The following ANKS1B variants were observed in gnomAD, a reference collection of about 807,000 sequenced individuals.
ANKS1B encodes ankyrin repeat and sterile alpha motif domain containing 1B.
ANKS1B carries 36 observed loss-of-function variants against 148.3 expected under a neutral mutation model. The ratio of observed to expected loss-of-function variants is 0.24; its 90% CI spans 0.19 to 0.32. ANKS1B has a LOEUF of 0.32. ANKS1B is among the 10% of genes least tolerant of loss of function. ANKS1B has a pLI of 1.00. For synonymous variants in ANKS1B, 542 were observed against 560.8 expected (o/e 0.97, Z 0.47); for missense variants, 1,157 against 1,542.6 (o/e 0.75, Z 4.19).
intron 17 of ANKS1B, among the ~76,000 whole-genome samples, chr12:99,046,795 G>T (rs527602208): frequency 1.5e-5 from 2 of 136,916 alleles, no homozygotes; most frequent in Non-Finnish European, 3.1e-5. Context: ...GCAACAGAGC[G>T]AGACTCTGTC....
At chr12:99,638,696 T>A (rs2098269007) in intron 9 of ANKS1B, among the ~76,000 whole-genome samples, 1 of 152,126 alleles carries the variant, frequency 6.6e-6, no homozygotes, top group Non-Finnish European at 1.5e-5. Flanking sequence ...AGGAACCAAA[T>A]GTTAATCACC....
chr12:99,576,626 G>A (rs968270497), intron 9 of ANKS1B, among the ~76,000 whole-genome samples: 1 of 152,106 alleles, frequency 6.6e-6, no homozygotes, highest in African/African-American at 2.4e-5. Flanking sequence ...AGCTGCTTCT[G>A]AATGACTTTT....
chr12:99,214,923 T>C (rs1016895695), intron 14 of ANKS1B, among the ~76,000 whole-genome samples: 3 of 152,206 alleles, frequency 2.0e-5, no homozygotes, highest in Admixed American at 2.0e-4. Context: ...CTTGCTATGC[T>C]TTAGCAAAGA....
chr12:99,775,620 G>C lies in ANKS1B; in HGVS notation c.889C>G (p.Pro297Ala). The change falls in exon 7 of 27, where the codon CCT (proline) becomes GCT (alanine). Residue 297 changes from proline to alanine, a missense_variant. Pro to Ala is a conservative substitution (Grantham distance 27). Coordinates refer to ENST00000683438, the MANE Select transcript of ANKS1B (RefSeq NM_001352186.2). ...TCTTGTGTTGCATCTTCCTGTACAG[G>C]CTCTTCGAGGACTGTAGATCTTCCC... ...GVGRSTVLEEPVQEDATQETH... is the reference protein window; with the variant it reads ...GVGRSTVLEEAVQEDATQETH... 6.2e-7 allele frequency: 1 copy of C among 1,612,068 alleles called. No individual in the cohort carries two copies. The highest frequency in any genetic ancestry group is 8.5e-7 in the Non-Finnish European group (1 of 1,178,606).
At chr12:99,463,513 G>T (rs571783152) in intron 10 of ANKS1B, among the ~76,000 whole-genome samples, 2 of 152,308 alleles carry the variant, frequency 1.3e-5, no homozygotes, top group East Asian at 3.9e-4. Flanking sequence ...AAGTGCAAGG[G>T]GGCAGGGAGT....
At chr12:98,864,406 C>A (rs1319867190) in intron 17 of ANKS1B, among the ~76,000 whole-genome samples, 1 of 152,220 alleles carries the variant, frequency 6.6e-6, no homozygotes, top group Non-Finnish European at 1.5e-5. Context: ...AGCTAGATCA[C>A]AGTGCCCAGA....
chr12:98,960,281 CAGAG>C (rs139654884), intron 17 of ANKS1B, among the ~76,000 whole-genome samples: 3 of 150,046 alleles, frequency 2.0e-5, no homozygotes, highest in East Asian at 1.9e-4. Context: ...CAGCTCAGCA[CAGAG>C]AGAGAGAGAG....
intron 12 of ANKS1B, among the ~76,000 whole-genome samples, chr12:99,270,151 A>G (rs2076887740): frequency 6.6e-6 from 1 of 152,214 alleles, no homozygotes; most frequent in Non-Finnish European, 1.5e-5. Flanking sequence ...GTTCCAAGAC[A>G]TAACTTTGAA....
chr12:99,142,441 A>G (rs909339128), intron 15 of ANKS1B, among the ~76,000 whole-genome samples: 1 of 152,084 alleles, frequency 6.6e-6, no homozygotes, highest in African/African-American at 2.4e-5. Flanking sequence ...TATGAAGGGA[A>G]GAAGAGTAAG....
intron 16 of ANKS1B, among the ~76,000 whole-genome samples, chr12:99,070,353 G>A (rs925680391): frequency 1.1e-4 from 16 of 152,142 alleles, no homozygotes; most frequent in South Asian, 2.1e-4. Context: ...ATGAAACAGT[G>A]CTTAGCTTAG....
At chr12:98,763,777 C>A (rs78355312) in intron 25 of ANKS1B, among the ~76,000 whole-genome samples, 1 of 151,906 alleles carries the variant, frequency 6.6e-6, no homozygotes, top group Non-Finnish European at 1.5e-5. Context: ...TCCTTTTTTG[C>A]GCAACATTAT....
chr12:99,228,736 T>C (rs957167467), intron 14 of ANKS1B, among the ~76,000 whole-genome samples: 5 of 151,914 alleles, frequency 3.3e-5, no homozygotes, highest in Middle Eastern at 3.4e-3. Context: ...TTATTAAAAA[T>C]AAAAATAAAA....
At chr12:98,934,038 T>C (rs866384258) in intron 17 of ANKS1B, among the ~76,000 whole-genome samples, 59 of 152,152 alleles carry the variant, frequency 3.9e-4, no homozygotes, top group Admixed American at 2.3e-3. Context: ...TTTGTTTTTG[T>C]TCCCTGTGCC....
intron 17 of ANKS1B, among the ~76,000 whole-genome samples, chr12:99,043,354 A>C (rs2099960310): frequency 6.6e-6 from 1 of 152,234 alleles, no homozygotes; most frequent in South Asian, 2.1e-4. Context: ...AATATCTACA[A>C]AAATAAAACT....
intron 8 of ANKS1B, 162 bp downstream of exon 8, chr12:99,772,760 C>G (rs2063317605): frequency 1.6e-6 from 1 of 623,012 alleles, no homozygotes. Context: ...TACACATGCA[C>G]TGCGAGTAAA....
chr12:99,757,018 A>G (rs7299700), intron 8 of ANKS1B, among the ~76,000 whole-genome samples: 35,662 of 152,068 alleles, frequency 0.23, 4,749 homozygotes, highest in Non-Finnish European at 0.31. Flanking sequence ...CCTAAGTAAT[A>G]CCATTCAGGA....
At chr12:98,859,409 A>G (rs1450849176) in intron 17 of ANKS1B, among the ~76,000 whole-genome samples, 2 of 152,268 alleles carry the variant, frequency 1.3e-5, no homozygotes, top group Non-Finnish European at 2.9e-5. Flanking sequence ...AATGATGCCA[A>G]CAAATGAGTT....
intron 1 of ANKS1B, among the ~76,000 whole-genome samples, chr12:99,856,137 T>G (rs1245203127): frequency 1.3e-5 from 2 of 152,170 alleles, no homozygotes; most frequent in African/African-American, 4.8e-5. Flanking sequence ...AAGCTGGTTC[T>G]TTGAAAAGAT....
chr12:99,844,090 G>A (rs936504787), intron 1 of ANKS1B, among the ~76,000 whole-genome samples: 6 of 151,866 alleles, frequency 4.0e-5, no homozygotes, highest in African/African-American at 1.5e-4. Flanking sequence ...CTTCTTAATG[G>A]GGTTGTTTTT....
Sources: allele counts gnomAD v4.1 joint callset (sites outside exome capture counted in the v4.1 genomes callset), GRCh38; gene constraint gnomAD v4.1.1; transcripts MANE v1.5; gene names NCBI Gene and HGNC (gene_info 2026-07-23, HGNC 2026-07-21).